The following HDAC9 variants were observed in gnomAD, a reference collection of about 807,000 sequenced individuals.
HDAC9 encodes the protein histone deacetylase 9.
Under a neutral mutation model 139.4 loss-of-function variants are expected in HDAC9, and 41 were observed. The observed-to-expected ratio is 0.29, with a 90% CI of 0.23 to 0.38. The LOEUF (loss-of-function observed/expected upper bound fraction) is 0.38, where lower values mean the gene tolerates loss of function less well. HDAC9 is among the 10% of genes least tolerant of loss of function. HDAC9 has a pLI of 1.00. For missense variants in HDAC9, 1,147 were observed against 1,297.0 expected (o/e 0.88, Z 1.78); for synonymous variants, 517 against 476.2 (o/e 1.09, Z -1.12).
At chr7:18,260,109 A>G (rs1795551828) in intron 2 of HDAC9, among the ~76,000 whole-genome samples, 1 of 152,170 alleles carries the variant, frequency 6.6e-6, no homozygotes, top group Non-Finnish European at 1.5e-5. Flanking sequence ...AGAATGAATG[A>G]TGATCACTAC....
chr7:18,871,631 T>C (rs1166791732), intron 21 of HDAC9, among the ~76,000 whole-genome samples: 1 of 152,222 alleles, frequency 6.6e-6, no homozygotes, highest in East Asian at 1.9e-4. Flanking sequence ...ATTTTTCAGA[T>C]AAAATTTTAA....
chr7:18,441,849 G>A (rs1585929726), intron 1 of HDAC9, among the ~76,000 whole-genome samples: 3 of 152,220 alleles, frequency 2.0e-5, no homozygotes, highest in Admixed American at 1.3e-4. Flanking sequence ...CTCACTGCAA[G>A]CTCCGCCTCC....
In HDAC9 at chr7:18,091,633, C is replaced by T. The variant is rs898036063; in HGVS notation, c.-97+4420C>T. On this transcript the variant is annotated intron_variant, in intron 1 of 12. Coordinates refer to the HDAC9 transcript ENST00000417496. ...ACAAATTTAGCAGCTTAACACAACA[C>T]CCCTTTATCATATCAGTTTCATTGC... Among the ~76,000 whole-genome samples, 6 of 152,256 alleles carry T rather than the reference C, an allele frequency of 3.9e-5. No individual in the cohort carries two copies. In the East Asian group the frequency reaches 1.2e-3, roughly 29 times the overall value.
At chr7:18,282,100 C>T (rs918121302) in intron 2 of HDAC9, among the ~76,000 whole-genome samples, 3 of 152,128 alleles carry the variant, frequency 2.0e-5, no homozygotes, top group Non-Finnish European at 2.9e-5. Flanking sequence ...GAAAGAAACA[C>T]ACACACTCAC....
intron 15 of HDAC9, among the ~76,000 whole-genome samples, chr7:18,765,143 T>C (rs899374460): frequency 2.0e-4 from 30 of 152,178 alleles, no homozygotes; most frequent in Admixed American, 6.5e-5. Flanking sequence ...TCCAGTCAGT[T>C]TGGTGAAATA....
At chr7:18,241,535 A>G (rs1794188249) in intron 2 of HDAC9, among the ~76,000 whole-genome samples, 1 of 152,194 alleles carries the variant, frequency 6.6e-6, no homozygotes, top group Non-Finnish European at 1.5e-5. Flanking sequence ...CATGTAGACC[A>G]CAGTGTCACA....
At chr7:18,276,246 A>G (rs1032313013) in intron 2 of HDAC9, among the ~76,000 whole-genome samples, 2 of 152,212 alleles carry the variant, frequency 1.3e-5, no homozygotes, top group African/African-American at 4.8e-5. Context: ...ATGGTAGGCC[A>G]GGTGTGCACA....
At chr7:18,887,488 C>A (rs1278335218) in intron 22 of HDAC9, among the ~76,000 whole-genome samples, 1 of 152,080 alleles carries the variant, frequency 6.6e-6, no homozygotes, top group African/African-American at 2.4e-5. Flanking sequence ...AGAAATAGTA[C>A]AAATCACGTG....
chr7:18,208,946 T>C (rs1398363076), intron 2 of HDAC9, among the ~76,000 whole-genome samples: 1 of 152,230 alleles, frequency 6.6e-6, no homozygotes, highest in Non-Finnish European at 1.5e-5. Flanking sequence ...TATTTTATTA[T>C]ATACAACTTA....
At chr7:18,853,094 G>C (rs188362408) in intron 21 of HDAC9, among the ~76,000 whole-genome samples, 3 of 151,322 alleles carry the variant, frequency 2.0e-5, no homozygotes, top group Non-Finnish European at 4.5e-5. Flanking sequence ...TCCCTGAGTC[G>C]GCCTGGCTCC....
At chr7:18,330,794 A>G (rs1049554886) in intron 1 of HDAC9, among the ~76,000 whole-genome samples, 1 of 151,748 alleles carries the variant, frequency 6.6e-6, no homozygotes, top group Non-Finnish European at 1.5e-5. Flanking sequence ...TGCCTTGGTA[A>G]TAAATTCACA....
chr7:18,156,794 G>T (rs6976429), intron 1 of HDAC9, among the ~76,000 whole-genome samples: 28,796 of 152,208 alleles, frequency 0.19, 2,909 homozygotes, highest in South Asian at 0.33. Context: ...ACTTGGAGTG[G>T]TTGGCTAAGA....
chr7:18,485,088 C>T (rs1795876940), intron 1 of HDAC9, among the ~76,000 whole-genome samples: 1 of 151,982 alleles, frequency 6.6e-6, no homozygotes, highest in Non-Finnish European at 1.5e-5. Flanking sequence ...ATAGACTGTC[C>T]CTGCCATCTG....
intron 1 of HDAC9, among the ~76,000 whole-genome samples, chr7:18,446,560 A>G (rs1442718703): frequency 6.6e-6 from 1 of 152,186 alleles, no homozygotes; most frequent in African/African-American, 2.4e-5. Context: ...GTTTTCAAAT[A>G]TATTATGGGT....
chr7:18,303,375 TTGTGTGTGTGTGTG>T (rs71014320), intron 1 of HDAC9, among the ~76,000 whole-genome samples: 8,074 of 127,744 alleles, frequency 0.063, 386 homozygotes, highest in East Asian at 0.16. Flanking sequence ...CCCAGCCAAT[TTGTGTGTGTGTGTG>T]TGTGTGTGTG....
At chr7:18,280,531 T>C (rs1379982863) in intron 2 of HDAC9, among the ~76,000 whole-genome samples, 1 of 151,626 alleles carries the variant, frequency 6.6e-6, no homozygotes, top group African/African-American at 2.4e-5. Flanking sequence ...GAGGTTGCAT[T>C]GAGCCAAGAT....
intron 2 of HDAC9, among the ~76,000 whole-genome samples, chr7:18,560,681 G>A (rs1226272303): frequency 6.6e-6 from 1 of 152,124 alleles, no homozygotes; most frequent in Non-Finnish European, 1.5e-5. Context: ...TTTGTTGGAC[G>A]AGTGAGTGCA....
chr7:18,090,630 T>G (rs971552103), intron 1 of HDAC9, among the ~76,000 whole-genome samples: 3 of 152,186 alleles, frequency 2.0e-5, no homozygotes, highest in African/African-American at 7.2e-5. Flanking sequence ...CAGAACCTGA[T>G]TTTTGGGAAG....
intron 21 of HDAC9, among the ~76,000 whole-genome samples, chr7:18,864,810 A>G (rs1384387930): frequency 6.6e-6 from 1 of 151,934 alleles, no homozygotes; most frequent in East Asian, 1.9e-4. Flanking sequence ...AAGATGAAAA[A>G]GTTCTGGAGT....
Sources: allele counts gnomAD v4.1 joint callset (sites outside exome capture counted in the v4.1 genomes callset), GRCh38; gene constraint gnomAD v4.1.1; transcripts MANE v1.5; gene names NCBI Gene and HGNC (gene_info 2026-07-23, HGNC 2026-07-21).